Variants in HMGA2 observed in about 807,000 individuals in gnomAD.
HMGA2 encodes high mobility group AT-hook 2, also known as high mobility group protein HMGI-C.
A neutral mutation model predicts 19.1 loss-of-function variants in HMGA2; 8 were observed. The observed-to-expected ratio is 0.42, with a 90% confidence interval of 0.25 to 0.76. HMGA2 has a LOEUF of 0.76. Ranked by LOEUF, HMGA2 falls within the 30% of genes least tolerant of loss-of-function variation. HMGA2 has a pLI of 0.28. For synonymous variants in HMGA2, 60 were observed against 48.8 expected (o/e 1.23, Z -0.96); for missense variants, 109 against 136.3 (o/e 0.80, Z 1.00).
chr12:65,958,218 A>C (rs1876655295), intron 4 of HMGA2: 2 of 152,230 alleles, frequency 1.3e-5, no homozygotes, highest in Admixed American at 1.3e-4. Flanking sequence ...ATGCTAACGC[A>C]CACAAAGAAG....
intron 3 of HMGA2, chr12:65,881,623 CGAAG>C: frequency 3.2e-6 from 2 of 619,516 alleles, no homozygotes; most frequent in East Asian, 2.8e-5. Context: ...CCAGAGGGAG[CGAAG>C]GAGGGAGGGA....
Position 65,831,485 on chromosome 12 carries a change from C to A in HMGA2, c.198+3398C>A, listed in dbSNP as rs2612052. Among the ~76,000 whole-genome samples the A allele has an allele frequency of 7.6e-3, 1,151 of 151,716 alleles. 17 individuals are homozygous for A. The highest frequency in any genetic ancestry group is 0.026 in the African/African-American group (1,090 of 41,444). ...AAAAAAGATCTCAGGTGTGAGATAA[C>A]CCTACTTCATCATGTCATATATTTG... is the stretch of plus-strand genomic sequence containing the variant. On this transcript the variant is annotated intron_variant, in intron 2 of 4. Coordinates refer to ENST00000403681, the MANE Select transcript of HMGA2 (RefSeq NM_003483.6).
intron 3 of HMGA2, among the ~76,000 whole-genome samples, chr12:65,926,994 T>C (rs1447279525): frequency 6.6e-6 from 1 of 152,018 alleles, no homozygotes; most frequent in Non-Finnish European, 1.5e-5. Context: ...GGGAGGAGGG[T>C]ATATCATTGG....
At chr12:65,878,042 G>A (rs1873145161) in intron 3 of HMGA2, among the ~76,000 whole-genome samples, 1 of 152,226 alleles carries the variant, frequency 6.6e-6, no homozygotes, top group Non-Finnish European at 1.5e-5. Context: ...AGGGTGAGGT[G>A]TCCTGGGGAG....
At chr12:65,949,246 T>C (rs1876373486) in intron 3 of HMGA2, among the ~76,000 whole-genome samples, 1 of 152,080 alleles carries the variant, frequency 6.6e-6, no homozygotes. Context: ...CAAAAGTACC[T>C]TGCCATTTAT....
intron 3 of HMGA2, among the ~76,000 whole-genome samples, chr12:65,914,479 TC>T (rs1874987125): frequency 8.7e-6 from 1 of 115,222 alleles, no homozygotes; most frequent in Admixed American, 1.2e-4. Flanking sequence ...AATATCACAC[TC>T]TGGGGACTGT....
At chr12:65,873,261 T>A (rs1219886220) in intron 3 of HMGA2, among the ~76,000 whole-genome samples, 1 of 152,232 alleles carries the variant, frequency 6.6e-6, no homozygotes, top group African/African-American at 2.4e-5. Flanking sequence ...AAAGAATGAA[T>A]GTGTCCAAGC....
chr12:65,956,136 A>G (rs1323673214), intron 4 of HMGA2: 1 of 152,194 alleles, frequency 6.6e-6, no homozygotes, highest in African/African-American at 2.4e-5. Flanking sequence ...CAGACTTACA[A>G]ATACTCACTC....
chr12:65,955,279 G>A (rs1876573943), intron 4 of HMGA2: 1 of 152,104 alleles, frequency 6.6e-6, no homozygotes, highest in African/African-American at 2.4e-5. Flanking sequence ...AGTAGGAAAT[G>A]GTGGTAGGTT....
chr12:65,861,534 C>T (rs1051384582), intron 3 of HMGA2, among the ~76,000 whole-genome samples: 7 of 150,466 alleles, frequency 4.7e-5, no homozygotes, highest in East Asian at 3.9e-4. Flanking sequence ...TGGAACACTG[C>T]GTTCAGAAAA....
intron 3 of HMGA2, among the ~76,000 whole-genome samples, chr12:65,864,347 A>G (rs1335330369): frequency 1.3e-5 from 2 of 152,238 alleles, no homozygotes; most frequent in East Asian, 3.8e-4. Flanking sequence ...GGCAGCCAAG[A>G]TGATAATTTT....
At chr12:65,951,484 C>T (rs1876458718) in intron 4 of HMGA2, 69 bp downstream of exon 4, 5 of 980,072 alleles carry the variant, frequency 5.1e-6, no homozygotes, top group Non-Finnish European at 7.9e-6. Context: ...GAAAAATGTC[C>T]CCAAACTAAA....
intron 3 of HMGA2, among the ~76,000 whole-genome samples, chr12:65,934,430 G>C (rs1875822627): frequency 6.6e-6 from 1 of 152,128 alleles, no homozygotes. Flanking sequence ...TCATGCTGTA[G>C]AATGGTTCCT....
intron 3 of HMGA2, among the ~76,000 whole-genome samples, chr12:65,936,243 G>A (rs533835094): frequency 6.8e-6 from 1 of 147,998 alleles, no homozygotes; most frequent in African/African-American, 2.5e-5. Flanking sequence ...ACAAGAATGT[G>A]GGGGGAGGAT....
rs1412378406 is a variant in HMGA2, at chr12:65,963,230, C to G, written c.283-15C>G. On this transcript the variant is annotated splice_polypyrimidine_tract_variant and intron_variant, in intron 4 of 4. Coordinates refer to ENST00000403681, the MANE Select transcript of HMGA2 (RefSeq NM_003483.6). Reference sequence around the variant, plus strand: ...AACGATTGAGCGTCATGGCTGTGCCCTTTGTGTGTTCCAGGAGGAAACTGA... The same window carrying G: ...AACGATTGAGCGTCATGGCTGTGCCGTTTGTGTGTTCCAGGAGGAAACTGA... 6.2e-7 allele frequency: 1 copy of G among 1,613,128 alleles called. No homozygotes were observed. The highest frequency in any genetic ancestry group is 1.3e-5 in the African/African-American group (1 of 74,810).
At chr12:65,913,939 T>A (rs556056686) in intron 3 of HMGA2, among the ~76,000 whole-genome samples, 3 of 152,346 alleles carry the variant, frequency 2.0e-5, no homozygotes, top group Admixed American at 1.3e-4. Context: ...GAACACAATG[T>A]TGAGAATTTG....
rs1256038139 is a variant in HMGA2, at chr12:65,824,585, C to A, written c.-686C>A. The A allele has an allele frequency of 4.3e-6, 1 of 233,482 alleles. No homozygotes were observed. Among genetic ancestry groups the A allele is most frequent in the Non-Finnish European group, 8.4e-6 (1 of 118,498 alleles). The allele number at this position is 233,482 out of a possible 1,614,324, so 14.5% of individuals were successfully genotyped here. The stretch of plus-strand genomic sequence containing the variant: ...GTGCCGCCGCTGCCTGCTCCCGCCA[C>A]CCTAGGAGGCGCGGTGCCACCCACT... On this transcript the variant is annotated 5_prime_UTR_variant, in exon 1 of 5. Transcript: ENST00000403681.
chr12:65,838,443 C>T, intron 2 of HMGA2, 76 bp from the exon 3 acceptor site: 1 of 1,105,868 alleles, frequency 9.0e-7, no homozygotes. Context: ...ATTCTTACTT[C>T]AAATGTGTCC....
At chr12:65,881,774 GGAAGCCTGC>G in intron 3 of HMGA2, 1 of 703,094 alleles carries the variant, frequency 1.4e-6, no homozygotes, top group Non-Finnish European at 2.6e-6. Context: ...TGCTGGTGAA[GGAAGCCTGC>G]TGATCCCGGA....
Sources: gnomAD v4.1 joint callset for allele counts (sites outside exome capture counted in the v4.1 genomes callset) on GRCh38, gnomAD v4.1.1 for gene constraint, MANE v1.5 for transcripts, NCBI Gene and HGNC (gene_info 2026-07-23, HGNC 2026-07-21) for gene names.